TMEM132D: variants seen among roughly 807,000 people sequenced by gnomAD.
The protein encoded by TMEM132D is mature OL transmembrane protein.
In TMEM132D, 21 loss-of-function variants were observed where a neutral mutation model predicts 62.3. The observed-to-expected ratio is 0.34, with a 90% CI of 0.24 to 0.49. TMEM132D has a LOEUF of 0.49. TMEM132D is among the 20% of genes least tolerant of loss of function. The pLI is 0.99. For synonymous variants in TMEM132D, 621 were observed against 575.6 expected, an observed-to-expected ratio of 1.08 and a Z score of -1.13; for missense variants, 1,346 against 1,402.8, an observed-to-expected ratio of 0.96 and a Z score of 0.65.
At chr12:129,246,514 G>A (rs776952603) in intron 4 of TMEM132D, among the ~76,000 whole-genome samples, 1 of 152,208 alleles carries the variant, frequency 6.6e-6, no homozygotes, top group African/African-American at 2.4e-5. Flanking sequence ...CCAACACTTT[G>A]GGAGGCCGAG....
At chr12:129,815,320 T>C (rs535550839) in intron 1 of TMEM132D, among the ~76,000 whole-genome samples, 31 of 152,328 alleles carry the variant, frequency 2.0e-4, no homozygotes, top group Middle Eastern at 3.4e-3. Flanking sequence ...ATAGTGTACA[T>C]GTGACTCTTC....
intron 5 of TMEM132D, among the ~76,000 whole-genome samples, chr12:129,167,649 C>A (rs1206688675): frequency 6.6e-6 from 1 of 151,894 alleles, no homozygotes; most frequent in Non-Finnish European, 1.5e-5. Flanking sequence ...AAGACTATTC[C>A]TTAACACATA....
chr12:129,903,903 G>C lies in TMEM132D; in HGVS notation c.-564C>G, dbSNP rs1875462923. ...GGCCGGCCGCTGCGCCTCGGGGCTC[G>C]GGCGCGCGCGCGCTCCGGCACCCAA... is the stretch of plus-strand genomic sequence containing the variant. On this transcript the variant is annotated 5_prime_UTR_variant, in exon 1 of 9. Coordinates refer to ENST00000422113, the MANE Select transcript of TMEM132D (RefSeq NM_133448.3). The surrounding 1 kb of genome is among the most constrained non-coding windows in gnomAD (Gnocchi z 6.2). 6.8e-6 allele frequency among the ~76,000 whole-genome samples: 1 copy of C among 146,986 alleles called. No homozygotes were observed. Among genetic ancestry groups the C allele is most frequent in the East Asian group, 2.0e-4 (1 of 4,982 alleles).
At chr12:129,794,639 G>A (rs1012379768) in intron 1 of TMEM132D, among the ~76,000 whole-genome samples, 3 of 152,116 alleles carry the variant, frequency 2.0e-5, no homozygotes, top group African/African-American at 4.8e-5. Context: ...TGCCCATTAC[G>A]TTTTACAGAT....
Position 129,717,412 on chromosome 12 carries a change from CT to C in TMEM132D, c.80-16715del, listed in dbSNP as rs1254085846. Among the ~76,000 whole-genome samples, 6 of 151,506 alleles carry C rather than the reference CT, an allele frequency of 4.0e-5. No individual in the cohort carries two copies. In the East Asian group the frequency reaches 1.2e-3, roughly 29 times the overall value. On this transcript the variant is annotated intron_variant, in intron 1 of 8. Transcript: ENST00000422113. ...TCATAAATGTTGCTACTTCATTTGCCTTTTTTTGGGTAAAAACTGGCAGAAA... is the reference window on the plus strand; with the variant it reads ...TCATAAATGTTGCTACTTCATTTGCCTTTTTTGGGTAAAAACTGGCAGAAA...
At chr12:129,283,786 T>C (rs1484035155) in intron 4 of TMEM132D, among the ~76,000 whole-genome samples, 2 of 152,132 alleles carry the variant, frequency 1.3e-5, no homozygotes, top group Non-Finnish European at 2.9e-5. Context: ...GCTTCTGTTC[T>C]CTCCCTCACT....
chr12:129,077,431 C>T (rs1874297779), intron 8 of TMEM132D, among the ~76,000 whole-genome samples: 1 of 152,142 alleles, frequency 6.6e-6, no homozygotes, highest in South Asian at 2.1e-4. Context: ...ACCCAAATTC[C>T]TATGTTCTAA....
At chr12:129,323,237 C>A (rs78754866) in intron 4 of TMEM132D, among the ~76,000 whole-genome samples, 1 of 151,972 alleles carries the variant, frequency 6.6e-6, no homozygotes, top group African/African-American at 2.4e-5. Flanking sequence ...TTACCTTACT[C>A]GTGTTTTTAC....
Position 129,189,715 on chromosome 12 carries a change from A to G in TMEM132D, c.1443+19805T>C, listed in dbSNP as rs138831549. Among the ~76,000 whole-genome samples the G allele has an allele frequency of 9.8e-3, 1,496 of 152,296 alleles. 8 individuals are homozygous for G. Among genetic ancestry groups the G allele is most frequent in the Non-Finnish European group, 0.016 (1,085 of 68,044 alleles). On this transcript the variant is annotated intron_variant, in intron 5 of 8. Coordinates refer to ENST00000422113, the MANE Select transcript of TMEM132D (RefSeq NM_133448.3). ...GGAAGGGTTCAGGTGGCACAACACC[A>G]TTTAAATTTCAAGAGAAGCAAGTCT...
chr12:129,301,283 C>T (rs969322043), intron 4 of TMEM132D, among the ~76,000 whole-genome samples: 1 of 151,970 alleles, frequency 6.6e-6, no homozygotes, highest in Non-Finnish European at 1.5e-5. Flanking sequence ...TTATCTAGTC[C>T]CTATATTATA....
At chr12:129,266,926 C>T (rs900257) in intron 4 of TMEM132D, among the ~76,000 whole-genome samples, 1 of 152,036 alleles carries the variant, frequency 6.6e-6, no homozygotes, top group African/African-American at 2.4e-5. Flanking sequence ...ACATCCCAGC[C>T]CCAGTCTGTT....
intron 1 of TMEM132D, among the ~76,000 whole-genome samples, chr12:129,778,457 G>A (rs537839032): frequency 1.3e-4 from 20 of 152,242 alleles, no homozygotes; most frequent in Admixed American, 6.5e-4. Flanking sequence ...CTCTGCAGCC[G>A]TTCTTTCCAG....
At chr12:129,712,017 C>T (rs1868388958) in intron 1 of TMEM132D, among the ~76,000 whole-genome samples, 1 of 151,908 alleles carries the variant, frequency 6.6e-6, no homozygotes, top group African/African-American at 2.4e-5. Flanking sequence ...TCCAGTACAT[C>T]CTCAGGTTAT....
chr12:129,609,550 G>A (rs1878715519), intron 2 of TMEM132D, among the ~76,000 whole-genome samples: 1 of 152,128 alleles, frequency 6.6e-6, no homozygotes, highest in African/African-American at 2.4e-5. Context: ...ACTCAGCCTT[G>A]ATCAAATCTT....
At chr12:129,455,686 C>T (rs1201013412) in intron 3 of TMEM132D, among the ~76,000 whole-genome samples, 1 of 152,154 alleles carries the variant, frequency 6.6e-6, no homozygotes, top group Non-Finnish European at 1.5e-5. Flanking sequence ...TGTGCAAAGG[C>T]ACGGTGGCTC....
intron 2 of TMEM132D, among the ~76,000 whole-genome samples, chr12:129,658,988 A>C (rs903484207): frequency 2.6e-5 from 4 of 151,892 alleles, no homozygotes; most frequent in African/African-American, 9.7e-5. Context: ...GCAACCTCCA[A>C]CTCCCGGGAT....
intron 5 of TMEM132D, among the ~76,000 whole-genome samples, chr12:129,143,986 G>A (rs1018168288): frequency 6.6e-6 from 1 of 152,102 alleles, no homozygotes; most frequent in African/African-American, 2.4e-5. Flanking sequence ...ATCTAATTGG[G>A]AGCTGAGCAG....
At chr12:129,497,125 T>C (rs1033529939) in intron 3 of TMEM132D, among the ~76,000 whole-genome samples, 1 of 152,094 alleles carries the variant, frequency 6.6e-6, no homozygotes, top group African/African-American at 2.4e-5. Flanking sequence ...CTGGCCAACA[T>C]AGTGAAACCC....
intron 4 of TMEM132D, among the ~76,000 whole-genome samples, chr12:129,296,466 A>C (rs768838222): frequency 1.3e-5 from 2 of 152,224 alleles, no homozygotes; most frequent in African/African-American, 2.4e-5. Flanking sequence ...AAATAGGAGA[A>C]TACTTTGTGT....
Sources: gnomAD v4.1 joint callset for allele counts (sites outside exome capture counted in the v4.1 genomes callset) on GRCh38, gnomAD v4.1.1 for gene constraint, Gnocchi (gnomAD v3.1) non-coding constraint, MANE v1.5 for transcripts, NCBI Gene and HGNC (gene_info 2026-07-23, HGNC 2026-07-21) for gene names.